The following PDSS2 variants were observed in gnomAD, a reference collection of about 807,000 sequenced individuals.
PDSS2 encodes decaprenyl diphosphate synthase subunit 2.
PDSS2 carries 31 observed loss-of-function variants against 44.5 expected under a neutral mutation model. The ratio of observed to expected loss-of-function variants is 0.70; its 90% CI spans 0.52 to 0.94. The LOEUF (loss-of-function observed/expected upper bound fraction) is 0.94, where lower values mean the gene tolerates loss of function less well. Ranked by LOEUF, PDSS2 falls within the 40% of genes least tolerant of loss-of-function variation. The pLI, the probability that PDSS2 is intolerant of heterozygous loss-of-function variation, is 0.00. For missense variants in PDSS2, 452 were observed against 482.2 expected (o/e 0.94, Z 0.59); for synonymous variants, 157 against 180.3 (o/e 0.87, Z 1.03).
chr6:107,238,099 G>T (rs1774290632), intron 4 of PDSS2, among the ~76,000 whole-genome samples: 1 of 151,946 alleles, frequency 6.6e-6, no homozygotes, highest in Non-Finnish European at 1.5e-5. Context: ...AAGAGAACTG[G>T]ATTCTCTTTT....
chr6:107,274,667 C>CTTTTTTTTTTTT (rs5878910), intron 2 of PDSS2, among the ~76,000 whole-genome samples: 8 of 106,554 alleles, frequency 7.5e-5, no homozygotes, highest in Non-Finnish European at 5.8e-5. Context: ...ATCTCTCTCT[C>CTTTTTTTTTTTT]TTTTTTTTTT....
intron 1 of PDSS2, among the ~76,000 whole-genome samples, chr6:107,453,256 C>T (rs137975739): frequency 6.6e-6 from 1 of 152,264 alleles, no homozygotes; most frequent in Non-Finnish European, 1.5e-5. Flanking sequence ...TGAGCCACTG[C>T]ACCCGGCCGT....
chr6:107,186,655 T>A (rs1772180033), intron 7 of PDSS2, among the ~76,000 whole-genome samples: 1 of 151,930 alleles, frequency 6.6e-6, no homozygotes, highest in African/African-American at 2.4e-5. Context: ...TTCCCCTCCC[T>A]GTGTCCATGT....
chr6:107,457,011 T>C (rs1352551972), intron 1 of PDSS2, among the ~76,000 whole-genome samples: 1 of 152,176 alleles, frequency 6.6e-6, no homozygotes, highest in Admixed American at 6.5e-5. Flanking sequence ...TGTGTATGTG[T>C]TTTGAGTGTG....
chr6:107,245,055 A>G (rs1774561881), intron 4 of PDSS2, among the ~76,000 whole-genome samples: 2 of 152,218 alleles, frequency 1.3e-5, no homozygotes, highest in Admixed American at 6.5e-5. Flanking sequence ...CAACTGTGCA[A>G]TCATCCCACT....
At chr6:107,221,646 T>C (rs1416403018) in intron 4 of PDSS2, among the ~76,000 whole-genome samples, 1 of 152,186 alleles carries the variant, frequency 6.6e-6, no homozygotes, top group African/African-American at 2.4e-5. Context: ...TGATGCTTGC[T>C]TGAGATAGTG....
At chr6:107,279,593 G>C (rs767359991) in intron 2 of PDSS2, among the ~76,000 whole-genome samples, 48 of 152,208 alleles carry the variant, frequency 3.2e-4, no homozygotes, top group Non-Finnish European at 2.4e-4. Flanking sequence ...TGAAAGGAGG[G>C]GGACTGGAGC....
intron 7 of PDSS2, among the ~76,000 whole-genome samples, chr6:107,181,681 G>C (rs1582747703): frequency 6.6e-6 from 1 of 151,968 alleles, no homozygotes; most frequent in South Asian, 2.1e-4. Context: ...CCTGAGGTCA[G>C]GAGTTTGAGA....
chr6:107,226,484 T>C (rs1773826730), intron 4 of PDSS2, among the ~76,000 whole-genome samples: 1 of 149,914 alleles, frequency 6.7e-6, no homozygotes, highest in Non-Finnish European at 1.5e-5. Flanking sequence ...GGGTAAAGAG[T>C]GAAGGAGATG....
intron 1 of PDSS2, among the ~76,000 whole-genome samples, chr6:107,405,585 C>T (rs1023334979): frequency 3.9e-5 from 6 of 152,084 alleles, no homozygotes; most frequent in East Asian, 3.9e-4. Context: ...CGGTGGCTCA[C>T]GCCTGTAATC....
intron 2 of PDSS2, among the ~76,000 whole-genome samples, chr6:107,280,756 T>A (rs1412380200): frequency 6.6e-6 from 1 of 152,206 alleles, no homozygotes. Flanking sequence ...ATGTTTTGCA[T>A]TTAAGTTGAT....
chr6:107,199,539 A>G (rs1350932360), intron 6 of PDSS2, among the ~76,000 whole-genome samples: 2 of 152,194 alleles, frequency 1.3e-5, no homozygotes, highest in Non-Finnish European at 2.9e-5. Flanking sequence ...GATGCAACTG[A>G]TCCTCCTGCC....
chr6:107,235,050 G>T (rs1272957975), intron 4 of PDSS2, among the ~76,000 whole-genome samples: 2 of 152,176 alleles, frequency 1.3e-5, no homozygotes, highest in East Asian at 1.9e-4. Context: ...TGACACCCAA[G>T]AAATGGGAAA....
chr6:107,276,532 T>C (rs976450979), intron 2 of PDSS2, among the ~76,000 whole-genome samples: 1 of 152,190 alleles, frequency 6.6e-6, no homozygotes. Flanking sequence ...GATCAGGGAC[T>C]CTGAGCTTGA....
intron 3 of PDSS2, chr6:107,264,191 A>C (rs1238032371): frequency 9.8e-7 from 1 of 1,020,292 alleles, no homozygotes; most frequent in Admixed American, 4.2e-5. Context: ...ACAAATAGAC[A>C]ATAGCATCTT....
At chr6:107,436,729 G>A (rs2353523) in intron 1 of PDSS2, among the ~76,000 whole-genome samples, 5,715 of 152,040 alleles carry the variant, frequency 0.038, 355 homozygotes, top group African/African-American at 0.13. Context: ...GGGTAAGAAC[G>A]TTCCCAACAC....
At position 107,172,907 on chromosome 6, in the gene PDSS2, C is replaced by T. The variant is rs186540779; in HGVS notation, c.1042-18130G>A. On this transcript the variant is annotated intron_variant, in intron 7 of 7. Transcript: ENST00000369037. ...TTGGGAGGCCGAGGCAGGCAGATCA[C>T]GAGGTCAGGAGTTCGAGACCAGCCT... 9.2e-3 allele frequency among the ~76,000 whole-genome samples: 1,398 copies of T among 151,660 alleles called. 17 individuals are homozygous for T. The highest frequency in any genetic ancestry group is 0.032 in the African/African-American group (1,328 of 41,332).
intron 2 of PDSS2, among the ~76,000 whole-genome samples, chr6:107,326,654 C>A (rs1442928303): frequency 6.6e-6 from 1 of 151,748 alleles, no homozygotes; most frequent in African/African-American, 2.4e-5. Flanking sequence ...GAGTTCAATA[C>A]CACCCTGGCC....
At chr6:107,168,420 C>A (rs1554247927) in intron 7 of PDSS2, among the ~76,000 whole-genome samples, 1 of 152,112 alleles carries the variant, frequency 6.6e-6, no homozygotes, top group Non-Finnish European at 1.5e-5. Context: ...TGGGTCTTGA[C>A]TCTTTATCCA....
Sources: gnomAD v4.1 joint callset for allele counts (sites outside exome capture counted in the v4.1 genomes callset) on GRCh38, gnomAD v4.1.1 for gene constraint, MANE v1.5 for transcripts, NCBI Gene and HGNC (gene_info 2026-07-23, HGNC 2026-07-21) for gene names.